Variants in RAB37 observed in about 807,000 individuals in gnomAD.
RAB37 encodes RAB37, member RAS oncogene family, also known as ras-related protein Rab-37.
Under a neutral mutation model 33.1 loss-of-function variants are expected in RAB37, and 29 were observed. That is an observed-to-expected ratio of 0.88 (90% CI 0.65 to 1.20). RAB37 has a LOEUF of 1.20. Ranked by LOEUF, RAB37 falls within the 50% of genes most tolerant of loss-of-function variation. The pLI is 0.00. For missense variants in RAB37, 299 were observed against 301.1 expected (o/e 0.99, Z 0.05); for synonymous variants, 128 against 119.5 (o/e 1.07, Z -0.47).
intron 2 of RAB37, among the ~76,000 whole-genome samples, chr17:74,741,082 G>A (rs1009613874): frequency 2.0e-5 from 3 of 152,016 alleles, no homozygotes; most frequent in Non-Finnish European, 4.4e-5. Flanking sequence ...CCAACTATAG[G>A]ATGCAAAAAA....
chr17:74,704,937 T>C (rs1412468166), intron 1 of RAB37: 3 of 789,470 alleles, frequency 3.8e-6, no homozygotes, highest in East Asian at 5.3e-5. Context: ...AAGGAAGAAA[T>C]ACACCTTCCG....
chr17:74,714,194 G>A (rs1328489423), intron 1 of RAB37, among the ~76,000 whole-genome samples: 1 of 152,058 alleles, frequency 6.6e-6, no homozygotes, highest in East Asian at 1.9e-4. Context: ...CTAGGCAACA[G>A]AGCAAGACTC....
upstream of RAB37, among the ~76,000 whole-genome samples, chr17:74,734,878 A>C (rs1433245617): frequency 2.0e-5 from 3 of 151,024 alleles, no homozygotes; most frequent in Non-Finnish European, 4.4e-5. Context: ...AAAGAGAGAC[A>C]GAGAGAAAGA....
intron 1 of RAB37, among the ~76,000 whole-genome samples, chr17:74,710,705 G>GA (rs1263589772): frequency 0.1 from 9,429 of 90,528 alleles, 425 homozygotes; most frequent in Non-Finnish European, 0.16. Flanking sequence ...CTAAAAATAC[G>GA]AAAAAAAAAA....
In RAB37 at chr17:74,729,230, GCT is replaced by G. The variant is rs759449094; in HGVS notation, c.73-17_73-16del. 11 of 1,565,734 alleles carry G rather than the reference GCT, an allele frequency of 7.0e-6. No individual in the cohort carries two copies. The highest frequency in any genetic ancestry group is 5.0e-5 in the Admixed American group (3 of 59,942). On this transcript the variant is annotated intron_variant, in intron 1 of 7. Transcript: ENST00000340415. The surrounding 1 kb of genome is among the most constrained non-coding windows in gnomAD (Gnocchi z 4.2). ...GGCCAACTCACATCACAGGCCCTCA[GCT>G]CTCTCTCTATTGTTCCCTTCCAGAC...
Position 74,742,995 on chromosome 17 carries a change from C to T in RAB37, c.247-134C>T. On this transcript the variant is annotated intron_variant, in intron 3 of 8. Transcript: ENST00000392613. This position sits in a 1 kb window ranked among gnomAD's most constrained non-coding sequence, Gnocchi z 4.0. ...GTCCAGGTCATTGGATGCTCAGGGG[C>T]TCATGAGAACCTAAAGAAGAAAACA... The T allele has an allele frequency of 1.3e-6, 1 of 741,502 alleles. No homozygotes were observed. The highest frequency in any genetic ancestry group is 1.7e-5 in the South Asian group (1 of 60,462). 45.9% of individuals were successfully genotyped at this position (741,502 alleles called of 1,614,324 possible).
Position 74,738,303 on chromosome 17 carries a change from C to T in RAB37, c.93+938C>T, listed in dbSNP as rs561251004. 6.8e-4 allele frequency among the ~76,000 whole-genome samples: 104 copies of T among 152,320 alleles called. No homozygotes were observed. Among genetic ancestry groups the T allele is most frequent in the African/African-American group, 2.4e-3 (99 of 41,578 alleles). On this transcript the variant is annotated intron_variant, in intron 1 of 8. Coordinates refer to ENST00000392613, the MANE Select transcript of RAB37 (RefSeq NM_001006638.3). This position sits in a 1 kb window ranked among gnomAD's most constrained non-coding sequence, Gnocchi z 5.0. ...GGCTCACCCTTGCTGGGAGCCTCAG[C>T]CTCCACCCCAGTGTTTCGGGGGAAG...
chr17:74,689,611 C>T (rs933053806), intron 1 of RAB37, among the ~76,000 whole-genome samples: 3 of 152,052 alleles, frequency 2.0e-5, no homozygotes, highest in Admixed American at 1.3e-4. Context: ...GCAAAGAAAA[C>T]TGAAAAGCTA....
At chr17:74,699,858 A>G (rs561367445) in intron 1 of RAB37, among the ~76,000 whole-genome samples, 5 of 152,248 alleles carry the variant, frequency 3.3e-5, no homozygotes, top group Middle Eastern at 3.4e-3. Flanking sequence ...ATTCTGCAAC[A>G]GGCCAGGCAC....
chr17:74,728,646 T>C (rs898510499), intron 1 of RAB37, among the ~76,000 whole-genome samples: 2 of 151,638 alleles, frequency 1.3e-5, no homozygotes, highest in Non-Finnish European at 2.9e-5. Flanking sequence ...TTTCTGTATG[T>C]ATATGTGTGC....
chr17:74,692,595 G>C (rs1049135343), intron 1 of RAB37, among the ~76,000 whole-genome samples: 1 of 152,056 alleles, frequency 6.6e-6, no homozygotes, highest in African/African-American at 2.4e-5. Context: ...CTCTTCCCAA[G>C]CCATGATGCC....
At chr17:74,695,734 A>G in intron 1 of RAB37, 1 of 1,614,098 alleles carries the variant, frequency 6.2e-7, no homozygotes, top group African/African-American at 1.3e-5. Flanking sequence ...CCATGGTGAC[A>G]TATTCCACTT....
At chr17:74,695,870 G>C (rs1021468831) in intron 1 of RAB37, 1 of 1,611,234 alleles carries the variant, frequency 6.2e-7, no homozygotes, top group African/African-American at 1.3e-5. Context: ...CTGGGACAGG[G>C]AACACAGGCT....
intron 1 of RAB37, among the ~76,000 whole-genome samples, chr17:74,682,091 T>C (rs1288719639): frequency 6.6e-6 from 1 of 152,220 alleles, no homozygotes; most frequent in Non-Finnish European, 1.5e-5. Context: ...TGCATATAAA[T>C]CATTTCGGTT....
At chr17:74,704,804 A>G (rs35489971) in intron 1 of RAB37, 1,245,844 of 1,611,616 alleles carry the variant, frequency 0.77, 492,720 homozygotes, top group Middle Eastern at 0.83. Flanking sequence ...GATTTGAGTG[A>G]CAATGGAGTA....
At chr17:74,715,848 C>T (rs1477394584) in intron 1 of RAB37, among the ~76,000 whole-genome samples, 2 of 151,926 alleles carry the variant, frequency 1.3e-5, no homozygotes, top group African/African-American at 2.4e-5. Context: ...GCCAACATGT[C>T]GAAACCCCAT....
chr17:74,729,186 G>A lies in RAB37; in HGVS notation c.73-70G>A. The A allele has an allele frequency of 9.4e-7, 1 of 1,067,026 alleles. No homozygotes were observed. Among genetic ancestry groups the A allele is most frequent in the Non-Finnish European group, 1.5e-6 (1 of 681,358 alleles). The allele number at this position is 1,067,026 out of a possible 1,614,324, so 66.1% of individuals were successfully genotyped here. A position where few individuals can be genotyped will look rare whatever the true frequency, so the allele number is the denominator to read the frequency against. ...TGCTTAGAAAGAATCCACTCCCACA[G>A]CCACAAGGACACCTCTGAGGCCAAC... On this transcript the variant is annotated intron_variant, in intron 1 of 7. Coordinates refer to the RAB37 transcript ENST00000340415. The surrounding 1 kb of genome is among the most constrained non-coding windows in gnomAD (Gnocchi z 4.2).
intron 1 of RAB37, among the ~76,000 whole-genome samples, chr17:74,710,114 G>A (rs1425353928): frequency 6.6e-6 from 1 of 152,006 alleles, no homozygotes; most frequent in Non-Finnish European, 1.5e-5. Flanking sequence ...GAGTAGCTGG[G>A]ACTACAGGCG....
upstream of RAB37, chr17:74,737,197 G>A: frequency 6.5e-7 from 1 of 1,531,692 alleles, no homozygotes; most frequent in Non-Finnish European, 8.7e-7. Flanking sequence ...GGGAGGAGTG[G>A]GCGGGGCGGG....
Sources: allele counts gnomAD v4.1 joint callset (sites outside exome capture counted in the v4.1 genomes callset), GRCh38; gene constraint gnomAD v4.1.1; non-coding constraint Gnocchi (gnomAD v3.1); transcripts MANE v1.5; gene names NCBI Gene and HGNC (gene_info 2026-07-23, HGNC 2026-07-21).